Variants in CCDC187 observed in about 807,000 individuals in gnomAD.
CCDC187 encodes the protein coiled-coil domain containing 187.
Under a neutral mutation model 38.0 loss-of-function variants are expected in CCDC187, and 32 were observed. That is an observed-to-expected ratio of 0.84 (90% confidence interval 0.64 to 1.13). The LOEUF (loss-of-function observed/expected upper bound fraction) is 1.13. CCDC187 is among the 50% of genes most tolerant of loss of function. CCDC187 has a pLI of 0.00. For missense variants in CCDC187, 707 were observed against 786.8 expected, an observed-to-expected ratio of 0.90 and a Z score of 1.21; for synonymous variants, 333 against 347.9, an observed-to-expected ratio of 0.96 and a Z score of 0.48.
At chr9:136,285,413 G>A (rs1406237318) in intron 9 of CCDC187, 100 bp downstream of exon 9, 21 of 302,694 alleles carry the variant, frequency 6.9e-5, no homozygotes, top group Non-Finnish European at 1.1e-4. Flanking sequence ...GAGGCAGCCC[G>A]TGAGCGTGGG....
intron 9 of CCDC187, among the ~76,000 whole-genome samples, chr9:136,282,663 C>T (rs1036299208): frequency 8.5e-5 from 13 of 152,196 alleles, no homozygotes; most frequent in African/African-American, 2.9e-4. Flanking sequence ...GGGGTAGACA[C>T]GCCCTCCCTC....
chr9:136,275,403 T>G (rs1177779172), intron 12 of CCDC187, among the ~76,000 whole-genome samples: 3 of 152,032 alleles, frequency 2.0e-5, no homozygotes, highest in African/African-American at 4.8e-5. Context: ...GCAGGGTGTC[T>G]CTGTTGCTGT....
intron 10 of CCDC187, among the ~76,000 whole-genome samples, chr9:136,277,577 A>G (rs1300909155): frequency 6.6e-6 from 1 of 151,906 alleles, no homozygotes; most frequent in East Asian, 1.9e-4. Context: ...CTCTCCTTGG[A>G]ATTTCTGGGA....
chr9:136,263,504 G>T, intron 18 of CCDC187, 118 bp downstream of exon 18: 2 of 728,430 alleles, frequency 2.7e-6, no homozygotes, highest in Non-Finnish European at 3.4e-6. Flanking sequence ...AAAGTGCTGG[G>T]ATTACAGGCG....
chr9:136,260,095 G>A (rs1830663189), intron 20 of CCDC187, 24 bp downstream of exon 20: 13 of 985,310 alleles, frequency 1.3e-5, no homozygotes, highest in Non-Finnish European at 1.6e-5. Context: ...CTGACCCTGG[G>A]CGGTCGCCGC....
intron 9 of CCDC187, among the ~76,000 whole-genome samples, chr9:136,283,756 T>C (rs916411198): frequency 5.6e-4 from 85 of 152,306 alleles, no homozygotes; most frequent in African/African-American, 1.8e-3. Flanking sequence ...CAGATCTAGC[T>C]GGTCCCCCGG....
chr9:136,271,676 C>T (rs1830842603), intron 14 of CCDC187, among the ~76,000 whole-genome samples: 1 of 143,230 alleles, frequency 7.0e-6, no homozygotes, highest in African/African-American at 2.6e-5. Context: ...GGCGCGATCT[C>T]GGCTCACTGC....
intron 3 of CCDC187, among the ~76,000 whole-genome samples, chr9:136,299,569 C>T (rs912685996): frequency 2.0e-5 from 3 of 152,210 alleles, no homozygotes; most frequent in Admixed American, 6.5e-5. Context: ...GTGAGCCTGC[C>T]CAAGCCCAGC....
chr9:136,263,854 G>A (rs1830709077), intron 17 of CCDC187, 56 bp from the exon 18 acceptor site: 1 of 980,808 alleles, frequency 1.0e-6, no homozygotes, highest in Non-Finnish European at 1.2e-6. Context: ...CAGGGGAAAA[G>A]GCCAACAAAA....
intron 14 of CCDC187, among the ~76,000 whole-genome samples, chr9:136,273,909 A>G (rs1398332270): frequency 6.6e-6 from 1 of 152,228 alleles, no homozygotes; most frequent in Admixed American, 6.5e-5. Flanking sequence ...CTGAGGGCTG[A>G]AATCACCTTG....
At position 136,289,518 on chromosome 9, in the gene CCDC187, C is replaced by CAA. The variant is rs878962393; in HGVS notation, c.2222+439_2222+440dup. ...TGGGCAACAGAGCAAAACTCCATCT[C>CAA]AAAAAAAAAAAAAAAAAAAAAAAAG... On this transcript the variant is annotated intron_variant, in intron 7 of 25. Transcript: ENST00000638797. Among the ~76,000 whole-genome samples, 177 of 67,100 alleles carry CAA rather than the reference C, an allele frequency of 2.6e-3. 1 individual carries two copies. Among genetic ancestry groups the CAA allele is most frequent in the African/African-American group, 5.3e-3 (83 of 15,592 alleles). The allele number at this position is 67,100 out of a possible 152,430, so 44.0% of individuals were successfully genotyped here.
intron 4 of CCDC187, among the ~76,000 whole-genome samples, chr9:136,293,990 ACT>A (rs1831462399): frequency 1.3e-5 from 2 of 148,856 alleles, no homozygotes; most frequent in African/African-American, 2.5e-5. Context: ...TCACACACAC[ACT>A]CACACTCATA....
At position 136,258,495 on chromosome 9, in the gene CCDC187, A is replaced by G. The variant is rs2131122052; in HGVS notation, c.4366+437T>C. Among the ~76,000 whole-genome samples, 1 of 151,564 alleles carries G rather than the reference A, an allele frequency of 6.6e-6. No homozygotes were observed. The highest frequency in any genetic ancestry group is 2.0e-4 in the East Asian group (1 of 5,088). Reference sequence around the variant, plus strand: ...ACCACCAGGGTTCCCTGACACTGTGAGTGCATCTGCTCCCGCCCCACCTGC... The same window carrying G: ...ACCACCAGGGTTCCCTGACACTGTGGGTGCATCTGCTCCCGCCCCACCTGC... On this transcript the variant is annotated intron_variant, in intron 22 of 25. Coordinates refer to ENST00000638797, the MANE Select transcript of CCDC187 (RefSeq NM_001378188.1). This position sits in a 1 kb window ranked among gnomAD's most constrained non-coding sequence, Gnocchi z 4.3.
intron 16 of CCDC187, 81 bp from the exon 17 acceptor site, chr9:136,266,124 TG>T (rs1554761582): frequency 2.4e-6 from 2 of 837,660 alleles, no homozygotes; most frequent in East Asian, 2.5e-4. Flanking sequence ...CAGCCAGCCC[TG>T]GTCGGCCACA....
At chr9:136,294,129 TACAC>T (rs1277589259) in intron 4 of CCDC187, among the ~76,000 whole-genome samples, 1 of 87,900 alleles carries the variant, frequency 1.1e-5, no homozygotes, top group Non-Finnish European at 2.4e-5. Flanking sequence ...CTCACACTCA[TACAC>T]ACGCCCTCAC....
chr9:136,256,176 G>T (rs1436147437), intron 24 of CCDC187, 35 bp downstream of exon 24: 2 of 972,714 alleles, frequency 2.1e-6, no homozygotes, highest in African/African-American at 3.5e-5. Flanking sequence ...CGTGCCTCAC[G>T]CTCCACCCCT....
rs1187349155 is a variant in CCDC187 at position 136,255,669 on chromosome 9, C to T, written c.4681G>A (p.Ala1561Thr). 14 of 985,190 alleles carry T rather than the reference C, an allele frequency of 1.4e-5. No homozygotes were observed. Among genetic ancestry groups the T allele is most frequent in the African/African-American group, 5.2e-5 (3 of 57,198 alleles). 61.0% of individuals were successfully genotyped at this position (985,190 alleles called of 1,614,324 possible). Residue 1561 changes from alanine (A) to threonine (T), a missense_variant, in exon 25 of 26, where the codon GCT (alanine) becomes ACT (threonine). Transcript: ENST00000638797. ...GCTGGGGCATTACCTGGGGAGGCAG[C>T]GGCCTGGGCAGCCTCCAGCCAGGTG... The part of the protein sequence containing the change: ...SSTWLEAAQA[A>T]ASPAAPVVPE...
At chr9:136,273,752 C>G (rs1830879336) in intron 14 of CCDC187, among the ~76,000 whole-genome samples, 1 of 152,228 alleles carries the variant, frequency 6.6e-6, no homozygotes, top group African/African-American at 2.4e-5. Context: ...TCTTCCAGGC[C>G]AAAACCTAAG....
At chr9:136,294,118 T>A (rs1232684879) in intron 4 of CCDC187, among the ~76,000 whole-genome samples, 1 of 57,250 alleles carries the variant, frequency 1.7e-5, no homozygotes, top group Non-Finnish European at 3.5e-5. Flanking sequence ...ACTCACACAC[T>A]CTCACACTCA....
Sources: allele counts gnomAD v4.1 joint callset (sites outside exome capture counted in the v4.1 genomes callset), GRCh38; gene constraint gnomAD v4.1.1; non-coding constraint Gnocchi (gnomAD v3.1); transcripts MANE v1.5; gene names NCBI Gene and HGNC (gene_info 2026-07-23, HGNC 2026-07-21).